Variants in SLC14A2 observed in about 807,000 individuals in gnomAD.
SLC14A2 encodes solute carrier family 14 member 2.
SLC14A2 carries 91 observed loss-of-function variants against 104.6 expected under a neutral mutation model. That is an observed-to-expected ratio of 0.87 (90% CI 0.73 to 1.04). The LOEUF is 1.04. Ranked by LOEUF, SLC14A2 falls within the 50% of genes least tolerant of loss-of-function variation. The probability of loss-of-function intolerance (pLI) is 0.00; values close to 1 mark genes in which losing one functional copy is unlikely to be tolerated. For synonymous variants in SLC14A2, 476 were observed against 466.4 expected, an observed-to-expected ratio of 1.02 and a Z score of -0.27; for missense variants, 1,189 against 1,156.0, an observed-to-expected ratio of 1.03 and a Z score of -0.41.
At position 45,625,736 on chromosome 18, in the gene SLC14A2, T is replaced by C; in HGVS notation, c.204T>C (p.Asn68=). 6.4e-7 allele frequency: 1 copy of C among 1,565,160 alleles called. No homozygotes were observed. The highest frequency in any genetic ancestry group is 8.6e-7 in the Non-Finnish European group (1 of 1,160,814). Reference sequence around the variant, plus strand: ...ACATTGTGAAGATCGAAAAGCTCAATGAAAGGAGTAAAAGGAAAGACGACG... The same window carrying C: ...ACATTGTGAAGATCGAAAAGCTCAACGAAAGGAGTAAAAGGAAAGACGACG... ...DSHIVKIEKL[N]ERSKRKDDGV... Residue 68 remains asparagine, a synonymous_variant, in exon 3 of 20, where the codon AAT becomes AAC. Transcript: ENST00000255226.
At chr18:45,191,911 G>A in the SLC14A2 span, among the ~76,000 whole-genome samples, 1 of 152,338 alleles carries the variant, frequency 6.6e-6, no homozygotes, top group East Asian at 1.9e-4. Context: ...TGTCCTAAGA[G>A]GAGTTAGGAC....
chr18:45,316,694 C>G lies in SLC14A2; in HGVS notation c.-125+103503C>G, dbSNP rs943240120. Among the ~76,000 whole-genome samples the G allele has an allele frequency of 2.0e-5, 3 of 152,156 alleles. No homozygotes were observed. The South Asian group carries it at 6.2e-4, about 32-fold the overall frequency. ...TATAGCAGTACTCTGGGTGCTCTGGCCTTTGCAGTCACCAACTACACACAT... is the reference window on the plus strand; with the variant it reads ...TATAGCAGTACTCTGGGTGCTCTGGGCTTTGCAGTCACCAACTACACACAT... On this transcript the variant is annotated intron_variant, in intron 1 of 20. Coordinates refer to the SLC14A2 transcript ENST00000586448.
At chr18:45,310,600 G>A (rs1289813703) in intron 1 of SLC14A2, among the ~76,000 whole-genome samples, 2 of 152,302 alleles carry the variant, frequency 1.3e-5, no homozygotes, top group African/African-American at 4.8e-5. Context: ...GGTGCCATGG[G>A]GCATTGCTAG....
chr18:45,334,772 AGGTAG>A (rs1369214384), intron 1 of SLC14A2, among the ~76,000 whole-genome samples: 3 of 152,192 alleles, frequency 2.0e-5, no homozygotes, highest in African/African-American at 7.2e-5. Flanking sequence ...CCTGCAGCAC[AGGTAG>A]CCCTAGGTGA....
the SLC14A2 span, among the ~76,000 whole-genome samples, chr18:45,168,072 A>T: frequency 6.6e-6 from 1 of 152,194 alleles, no homozygotes; most frequent in Non-Finnish European, 1.5e-5. Context: ...GGGGGAGTTC[A>T]TCCGTCTTGA....
chr18:45,278,976 C>T (rs1426396956), intron 1 of SLC14A2, among the ~76,000 whole-genome samples: 1 of 152,112 alleles, frequency 6.6e-6, no homozygotes, highest in Non-Finnish European at 1.5e-5. Flanking sequence ...TTCTATCTAT[C>T]CATAGATAGA....
chr18:45,551,523 C>A (rs72904423), intron 2 of SLC14A2, among the ~76,000 whole-genome samples: 1 of 152,140 alleles, frequency 6.6e-6, no homozygotes, highest in African/African-American at 2.4e-5. Context: ...CTGTCTGGGC[C>A]GGCCCTCGAT....
At chr18:45,535,721 T>A (rs2043769758) in intron 2 of SLC14A2, among the ~76,000 whole-genome samples, 1 of 152,206 alleles carries the variant, frequency 6.6e-6, no homozygotes, top group Admixed American at 6.5e-5. Flanking sequence ...TTCATGGTTC[T>A]TAATCTTTCG....
intron 1 of SLC14A2, among the ~76,000 whole-genome samples, chr18:45,427,263 A>AG (rs780369857): frequency 1.7e-4 from 21 of 126,252 alleles, no homozygotes; most frequent in East Asian, 6.5e-4. Flanking sequence ...TAGAAAAGAA[A>AG]GGGAAAAAAA....
intron 1 of SLC14A2, among the ~76,000 whole-genome samples, chr18:45,325,383 G>T (rs937671678): frequency 1.3e-5 from 2 of 152,148 alleles, no homozygotes; most frequent in Admixed American, 1.3e-4. Flanking sequence ...TCATAAGACT[G>T]TCTTCTTGTG....
At chr18:45,419,446 T>G (rs73433882) in intron 1 of SLC14A2, among the ~76,000 whole-genome samples, 203 of 152,354 alleles carry the variant, frequency 1.3e-3, no homozygotes, top group African/African-American at 4.6e-3. Flanking sequence ...GTGTTGTCAT[T>G]CTGTCCCAGA....
chr18:45,268,253 T>C (rs1459371761), intron 1 of SLC14A2, among the ~76,000 whole-genome samples: 2 of 152,222 alleles, frequency 1.3e-5, no homozygotes, highest in Non-Finnish European at 2.9e-5. Flanking sequence ...AACACAAATA[T>C]ATGTCTAAGC....
At chr18:45,215,527 A>C (rs532364113) in intron 1 of SLC14A2, among the ~76,000 whole-genome samples, 2 of 152,248 alleles carry the variant, frequency 1.3e-5, no homozygotes, top group African/African-American at 4.8e-5. Flanking sequence ...ATGTTGCTTC[A>C]TCACATCATA....
At chr18:45,666,338 C>G (rs772243697) in intron 12 of SLC14A2, 119 bp downstream of exon 12, 1 of 652,608 alleles carries the variant, frequency 1.5e-6, no homozygotes, top group South Asian at 2.0e-5. Flanking sequence ...TTCTTGCATT[C>G]GTATTTTCTG....
chr18:45,639,344 A>G (rs1005989809), intron 6 of SLC14A2, among the ~76,000 whole-genome samples: 18 of 152,122 alleles, frequency 1.2e-4, no homozygotes, highest in African/African-American at 4.3e-4. Flanking sequence ...CATACATCAA[A>G]ATGGCCTACT....
At chr18:45,491,904 G>A (rs1357093590) in intron 2 of SLC14A2, among the ~76,000 whole-genome samples, 1 of 152,248 alleles carries the variant, frequency 6.6e-6, no homozygotes, top group Non-Finnish European at 1.5e-5. Flanking sequence ...TCCAGAGCTA[G>A]GAATGGGGTT....
At chr18:45,374,226 T>A (rs935673086) in intron 1 of SLC14A2, among the ~76,000 whole-genome samples, 2 of 152,214 alleles carry the variant, frequency 1.3e-5, no homozygotes, top group Admixed American at 1.3e-4. Flanking sequence ...CTCCATGCTG[T>A]CCAAAGTCAC....
the SLC14A2 span, among the ~76,000 whole-genome samples, chr18:45,175,018 T>C: frequency 2.0e-5 from 3 of 152,274 alleles, no homozygotes. Flanking sequence ...TAGACATTGC[T>C]GGTGGGAATT....
chr18:45,255,132 C>G (rs2084463403), intron 1 of SLC14A2, among the ~76,000 whole-genome samples: 1 of 152,186 alleles, frequency 6.6e-6, no homozygotes, highest in Admixed American at 6.5e-5. Flanking sequence ...TCCCATTCCC[C>G]CCGAACACAC....
Sources: gnomAD v4.1 joint callset for allele counts (sites outside exome capture counted in the v4.1 genomes callset) on GRCh38, gnomAD v4.1.1 for gene constraint, MANE v1.5 for transcripts, NCBI Gene and HGNC (gene_info 2026-07-23, HGNC 2026-07-21) for gene names.